The following NDUFA11 variants were observed in gnomAD, a reference collection of about 807,000 sequenced individuals.
NDUFA11 encodes NADH:ubiquinone oxidoreductase subunit A11, also known as NADH dehydrogenase [ubiquinone] 1 alpha subcomplex subunit 11.
NDUFA11 carries 14 observed loss-of-function variants against 11.3 expected under a neutral mutation model. That is an observed-to-expected ratio of 1.24 (90% CI 0.82 to 1.94). NDUFA11 has a LOEUF of 1.94. Among genes scored for constraint, NDUFA11 ranks in the 30% most tolerant of loss-of-function variants. NDUFA11 has a pLI of 0.00. For missense variants in NDUFA11, 204 were observed against 200.3 expected, an observed-to-expected ratio of 1.02 and a Z score of -0.11; for synonymous variants, 87 against 85.6, an observed-to-expected ratio of 1.02 and a Z score of -0.09.
At chr19:5,892,847 T>C, downstream of NDUFA11, 1 of 1,395,156 alleles carries the variant, frequency 7.2e-7, no homozygotes, top group Non-Finnish European at 9.3e-7. Context: ...GGGGCCCTTA[T>C]TCCCATTTAC....
intron 1 of NDUFA11, 96 bp downstream of exon 1, chr19:5,903,516 A>C: frequency 8.4e-7 from 1 of 1,193,482 alleles, no homozygotes; most frequent in South Asian, 1.3e-5. Context: ...CGTACCCGCG[A>C]GACTCCCAGA....
At chr19:5,901,614 A>G (rs1336035804) in intron 1 of NDUFA11, 1 of 376,366 alleles carries the variant, frequency 2.7e-6, no homozygotes, top group African/African-American at 2.1e-5. Context: ...GAGTTGACCA[A>G]ATTGATTCCT....
At chr19:5,894,885 G>C in intron 3 of NDUFA11, 31 bp from the exon 4 acceptor site, 1 of 1,570,068 alleles carries the variant, frequency 6.4e-7, no homozygotes. Context: ...TGTCAGGCCC[G>C]GGTGGGGCTC....
chr19:5,897,917 C>G (rs1339685262), intron 1 of NDUFA11, among the ~76,000 whole-genome samples: 2 of 152,228 alleles, frequency 1.3e-5, no homozygotes, highest in East Asian at 1.9e-4. Flanking sequence ...CCAGCCCGAG[C>G]CGGGGCTCCC....
intron 1 of NDUFA11, among the ~76,000 whole-genome samples, chr19:5,899,211 G>A (rs1468208805): frequency 4.0e-5 from 6 of 149,876 alleles, no homozygotes; most frequent in South Asian, 2.1e-4. Context: ...GTGCAGTGGC[G>A]CTATCTCGGC....
At chr19:5,895,095 C>T (rs563397454) in intron 3 of NDUFA11, 104 of 542,550 alleles carry the variant, frequency 1.9e-4, no homozygotes, top group African/African-American at 1.3e-3. Context: ...GTCCTCATCC[C>T]GCCCCACACT....
chr19:5,895,118 C>A (rs1489339353), intron 3 of NDUFA11: 1 of 499,056 alleles, frequency 2.0e-6, no homozygotes, highest in Non-Finnish European at 3.6e-6. Context: ...CTTCCCCCTG[C>A]GAGGACACCG....
At chr19:5,901,620 T>G in intron 1 of NDUFA11, 1 of 366,362 alleles carries the variant, frequency 2.7e-6, no homozygotes, top group Non-Finnish European at 5.1e-6. Context: ...ACCAAATTGA[T>G]TCCTCAGCTT....
In NDUFA11 at chr19:5,896,961, G is replaced by A. The variant is rs1475593541; in HGVS notation, c.134C>T (p.Pro45Leu). Residue 45 changes from proline to leucine, a missense_variant, in exon 2 of 4, where the codon CCT becomes CTT. Transcript: ENST00000308961. The surrounding 1 kb of genome is among the most constrained non-coding windows in gnomAD (Gnocchi z 5.8). ...TAAAYRVTLN[P>L]PGTFLEGVAK... Reference sequence around the variant, plus strand: ...CACTCCTTCAAGGAAGGTGCCCGGAGGATTGAGTGTGACTCTGTAGGCAGC... The same window carrying A: ...CACTCCTTCAAGGAAGGTGCCCGGAAGATTGAGTGTGACTCTGTAGGCAGC... The A allele has an allele frequency of 1.2e-6, 2 of 1,614,152 alleles. No homozygotes were observed. Among genetic ancestry groups the A allele is most frequent in the Admixed American group, 3.3e-5 (2 of 60,030 alleles).
At chr19:5,895,995 A>T in intron 3 of NDUFA11, 1 of 252,828 alleles carries the variant, frequency 4.0e-6, no homozygotes, top group Non-Finnish European at 7.7e-6. Flanking sequence ...TCTCTGACTC[A>T]CAGGCCAGTG....
chr19:5,899,487 C>CTCTG, intron 1 of NDUFA11, among the ~76,000 whole-genome samples: 1 of 113,638 alleles, frequency 8.8e-6, no homozygotes, highest in East Asian at 2.9e-4. Context: ...GACAGTCTTG[C>CTCTG]TCTGTTGCCC....
chr19:5,897,494 C>T (rs2057617991), intron 1 of NDUFA11, among the ~76,000 whole-genome samples: 9 of 152,006 alleles, frequency 5.9e-5, no homozygotes, highest in Admixed American at 5.9e-4. Flanking sequence ...GGCTCCTGGG[C>T]CTAATCCCCC....
Position 5,903,781 on chromosome 19 carries a change from C to G in NDUFA11, c.-73G>C. The G allele has an allele frequency of 6.8e-7, 1 of 1,470,042 alleles. No homozygotes were observed. The highest frequency in any genetic ancestry group is 9.3e-7 in the Non-Finnish European group (1 of 1,073,814). The allele number at this position is 1,470,042 out of a possible 1,614,324, so 91.1% of individuals were successfully genotyped here. A position where few individuals can be genotyped will look rare whatever the true frequency, so the allele number is the denominator to read the frequency against. On this transcript the variant is annotated 5_prime_UTR_variant, in exon 1 of 4. Coordinates refer to ENST00000308961, the MANE Select transcript of NDUFA11 (RefSeq NM_175614.5). ...CGCAAGGGCAGCCGCGGCTGGCTATCGCGAGACTTCTCGGGCTGCGCGCGC... is the reference window on the plus strand; with the variant it reads ...CGCAAGGGCAGCCGCGGCTGGCTATGGCGAGACTTCTCGGGCTGCGCGCGC...
chr19:5,902,666 T>C lies in NDUFA11; in HGVS notation c.97+946A>G, dbSNP rs2057652990. 3 of 152,370 alleles carry C rather than the reference T, an allele frequency of 2.0e-5. No individual in the cohort carries two copies. The South Asian group carries it at 6.2e-4, about 31-fold the overall frequency. The allele number at this position is 152,370 out of a possible 1,614,324, so 9.4% of individuals were successfully genotyped here. ...TGAGAATTAAAGGGCATGATGCCCA[T>C]GAAACGCTCAGGCTGGAAGGGGCAA... On this transcript the variant is annotated intron_variant, in intron 1 of 3. Transcript: ENST00000308961.
rs144621074 is a variant in NDUFA11, at chr19:5,901,237, C to T, written c.97+2375G>A. Reference sequence around the variant, plus strand: ...CACACATGAGGAATGCACACACTCTCTCACATGAACACCAACATACGCGTC... The same window carrying T: ...CACACATGAGGAATGCACACACTCTTTCACATGAACACCAACATACGCGTC... On this transcript the variant is annotated intron_variant, in intron 1 of 3. Transcript: ENST00000308961. 5 of 1,129,630 alleles carry T rather than the reference C, an allele frequency of 4.4e-6. No homozygotes were observed. The African/African-American group carries it at 8.1e-5, about 18-fold the overall frequency. 70.0% of individuals were successfully genotyped at this position (1,129,630 alleles called of 1,614,324 possible).
At chr19:5,892,756 C>T (rs796289413), downstream of NDUFA11, 4 of 964,006 alleles carry the variant, frequency 4.1e-6, no homozygotes, top group African/African-American at 6.5e-5. Context: ...AGGCCGGTGC[C>T]CTCGAGTGGA....
intron 3 of NDUFA11, 28 bp from the exon 4 acceptor site, chr19:5,894,882 CCCGGGTGGGGCTCGGCCGGA>C: frequency 6.4e-7 from 1 of 1,573,668 alleles, no homozygotes. Context: ...TGATGTCAGG[CCCGGGTGGGGCTCGGCCGGA>C]CCAAGACGCT....
At chr19:5,892,915 A>AT, downstream of NDUFA11, 1 of 1,438,454 alleles carries the variant, frequency 7.0e-7, no homozygotes, top group South Asian at 1.5e-5. Flanking sequence ...ACAAGGAAAG[A>AT]ATCAAGTTCT....
intron 1 of NDUFA11, among the ~76,000 whole-genome samples, chr19:5,898,274 T>A (rs1485965226): frequency 6.6e-6 from 1 of 152,110 alleles, no homozygotes; most frequent in African/African-American, 2.4e-5. Context: ...CCCATCCAGC[T>A]TCAAGGGACC....
Sources: allele counts gnomAD v4.1 joint callset (sites outside exome capture counted in the v4.1 genomes callset), GRCh38; gene constraint gnomAD v4.1.1; non-coding constraint Gnocchi (gnomAD v3.1); transcripts MANE v1.5; gene names NCBI Gene and HGNC (gene_info 2026-07-23, HGNC 2026-07-21).